Variants in ZC2HC1A observed in about 807,000 individuals in gnomAD.
ZC2HC1A encodes zinc finger C2HC domain-containing protein 1A.
A neutral mutation model predicts 40.7 loss-of-function variants in ZC2HC1A; 28 were observed. That is an observed-to-expected ratio of 0.69 (90% CI 0.51 to 0.94). The LOEUF is 0.94. ZC2HC1A is among the 40% of genes least tolerant of loss of function. The pLI is 0.00. For synonymous variants in ZC2HC1A, 129 were observed against 129.2 expected (o/e 1.00, Z 0.01); for missense variants, 389 against 386.3 (o/e 1.01, Z -0.06).
intron 5 of ZC2HC1A, among the ~76,000 whole-genome samples, chr8:78,693,482 G>A (rs1300520799): frequency 1.3e-5 from 2 of 152,232 alleles, no homozygotes; most frequent in African/African-American, 4.8e-5. Context: ...CTGATGGCCA[G>A]TAATGATGAA....
chr8:78,717,609 C>G lies in ZC2HC1A; in HGVS notation c.*116C>G. 3 of 1,175,014 alleles carry G rather than the reference C, an allele frequency of 2.6e-6. No individual in the cohort carries two copies. The highest frequency in any genetic ancestry group is 3.5e-6 in the Non-Finnish European group (3 of 853,938). The allele number at this position is 1,175,014 out of a possible 1,614,324, so 72.8% of individuals were successfully genotyped here. A position where few individuals can be genotyped will look rare whatever the true frequency, so the allele number is the denominator to read the frequency against. ...CTAAAAATACTCGAAATACCATTTC[C>G]AGTTAATTTTGAAGTGTAATCTTTT... On this transcript the variant is annotated 3_prime_UTR_variant, in exon 9 of 9. Coordinates refer to ENST00000263849, the MANE Select transcript of ZC2HC1A (RefSeq NM_016010.3).
At chr8:78,688,242 T>A (rs1480151903) in intron 4 of ZC2HC1A, among the ~76,000 whole-genome samples, 1 of 152,066 alleles carries the variant, frequency 6.6e-6, no homozygotes, top group Non-Finnish European at 1.5e-5. Flanking sequence ...TATTGTGTCT[T>A]AACTCTACAT....
intron 7 of ZC2HC1A, among the ~76,000 whole-genome samples, chr8:78,714,683 C>T (rs16906023): frequency 0.037 from 5,626 of 152,188 alleles, 317 homozygotes; most frequent in African/African-American, 0.13. Flanking sequence ...TTTCGGATAG[C>T]CCAGGCTGTG....
At chr8:78,667,122 T>C (rs1035609579) in intron 1 of ZC2HC1A, among the ~76,000 whole-genome samples, 1 of 152,222 alleles carries the variant, frequency 6.6e-6, no homozygotes, top group African/African-American at 2.4e-5. Flanking sequence ...TTGTGTATTG[T>C]TGCATGCCAG....
At chr8:78,698,377 T>C in intron 6 of ZC2HC1A, 37 bp from the exon 7 acceptor site, 1 of 1,525,818 alleles carries the variant, frequency 6.6e-7, no homozygotes, top group Non-Finnish European at 9.0e-7. Context: ...TAACCTTTTT[T>C]AGAGTATTGT....
At chr8:78,713,540 A>C (rs1454839645) in intron 7 of ZC2HC1A, among the ~76,000 whole-genome samples, 3 of 152,146 alleles carry the variant, frequency 2.0e-5, no homozygotes, top group Non-Finnish European at 2.9e-5. Flanking sequence ...TTTCTAGAAA[A>C]AGACTCTAGT....
At chr8:78,683,442 G>A (rs908103248) in intron 3 of ZC2HC1A, among the ~76,000 whole-genome samples, 1 of 152,220 alleles carries the variant, frequency 6.6e-6, no homozygotes, top group African/African-American at 2.4e-5. Context: ...CCAAGGCTTT[G>A]GGCTTGCACC....
chr8:78,687,532 ATATT>A (rs1005924231), intron 4 of ZC2HC1A, among the ~76,000 whole-genome samples: 4 of 143,976 alleles, frequency 2.8e-5, no homozygotes, highest in East Asian at 3.9e-4. Flanking sequence ...AATAAATTAT[ATATT>A]TATATAATAA....
chr8:78,676,059 G>A lies in ZC2HC1A; in HGVS notation c.93+196G>A, dbSNP rs1809568275. On this transcript the variant is annotated intron_variant, in intron 2 of 8. Transcript: ENST00000263849. ...TCTTTCCTTCAGAGTTTGGTCTTCA[G>A]AACTCTTCTGTTAAAGTTTAAAGGT... The A allele has an allele frequency of 1.0e-5, 4 of 386,312 alleles. No homozygotes were observed. In the South Asian group the frequency reaches 3.9e-4, roughly 38 times the overall value. 23.9% of individuals were successfully genotyped at this position (386,312 alleles called of 1,614,324 possible).
intron 1 of ZC2HC1A, among the ~76,000 whole-genome samples, chr8:78,666,393 G>T (rs1025797168): frequency 6.6e-6 from 1 of 152,198 alleles, no homozygotes; most frequent in Non-Finnish European, 1.5e-5. Flanking sequence ...GGGCTTTCCC[G>T]CCCGGAGCCA....
intron 1 of ZC2HC1A, among the ~76,000 whole-genome samples, chr8:78,672,861 G>A (rs542070887): frequency 1.3e-5 from 2 of 151,990 alleles, no homozygotes; most frequent in South Asian, 4.2e-4. Flanking sequence ...ACATTATAAT[G>A]TGAAGTTTCA....
rs116944107 is a variant in ZC2HC1A at position 78,682,781 on chromosome 8, A to T, written c.211-3686A>T. On this transcript the variant is annotated intron_variant, in intron 3 of 8. Coordinates refer to ENST00000263849, the MANE Select transcript of ZC2HC1A (RefSeq NM_016010.3). ...ACCCTAAAGTCCACAGTTCAATCTG[A>T]GACAAGGCAAGTTTCTTCTGCCTGT... 5.6e-3 allele frequency among the ~76,000 whole-genome samples: 860 copies of T among 152,316 alleles called. 4 individuals are homozygous for T. The highest frequency in any genetic ancestry group is 8.5e-3 in the Non-Finnish European group (581 of 68,010).
chr8:78,690,429 G>A lies in ZC2HC1A; in HGVS notation c.504+1056G>A, dbSNP rs1311320360. Among the ~76,000 whole-genome samples the A allele has an allele frequency of 9.2e-5, 14 of 152,014 alleles. No individual in the cohort carries two copies. The East Asian group carries it at 1.7e-3, about 19-fold the overall frequency. On this transcript the variant is annotated intron_variant, in intron 5 of 8. Coordinates refer to ENST00000263849, the MANE Select transcript of ZC2HC1A (RefSeq NM_016010.3). ...CAAAAAATTAGCTGGACGTGGTGGC[G>A]GGCGCCTGTAGTCCCAGCTACTTGG...
At position 78,717,570 on chromosome 8, in the gene ZC2HC1A, C is replaced by G. The variant is rs1041058056; in HGVS notation, c.*77C>G. The G allele has an allele frequency of 6.3e-6, 9 of 1,439,426 alleles. No individual in the cohort carries two copies. In the Admixed American group the frequency reaches 2.1e-4, roughly 34 times the overall value. 89.2% of individuals were successfully genotyped at this position (1,439,426 alleles called of 1,614,324 possible). On this transcript the variant is annotated 3_prime_UTR_variant, in exon 9 of 9. Coordinates refer to ENST00000263849, the MANE Select transcript of ZC2HC1A (RefSeq NM_016010.3). ...TGCTTGGACAGCTAGAGCACATCCT[C>G]TAGTTAGTTTGTGCTAAAAATACTC...
Position 78,686,494 on chromosome 8 carries a change from T to A in ZC2HC1A, c.238T>A (p.Trp80Arg). ...AGAACCACCAAAGAAACCATCTAAT[T>A]GGAGAAGGAAACATGAAGAATTCAT... is the stretch of plus-strand genomic sequence containing the variant. ...RPEPPKKPSN[W>R]RRKHEEFIAT... Residue 80 changes from tryptophan to arginine, a missense_variant, in exon 4 of 9, where the codon TGG becomes AGG. Transcript: ENST00000263849. The A allele has an allele frequency of 3.3e-6, 5 of 1,534,182 alleles. No homozygotes were observed. The highest frequency in any genetic ancestry group is 4.4e-6 in the Non-Finnish European group (5 of 1,140,190).
At chr8:78,708,671 TC>T (rs1235391625) in intron 7 of ZC2HC1A, among the ~76,000 whole-genome samples, 1 of 74,956 alleles carries the variant, frequency 1.3e-5, no homozygotes, top group East Asian at 9.9e-4. Flanking sequence ...AAGATGATTA[TC>T]TTTTTTTTTT....
Position 78,712,077 on chromosome 8 carries a change from C to A in ZC2HC1A, c.705-3144C>A. The A allele has an allele frequency of 2.3e-6, 3 of 1,289,422 alleles. 1 individual carries two copies. The South Asian group carries it at 3.7e-5, about 16-fold the overall frequency. The allele number at this position is 1,289,422 out of a possible 1,614,324, so 79.9% of individuals were successfully genotyped here. On this transcript the variant is annotated intron_variant, in intron 7 of 8. Transcript: ENST00000263849. Reference sequence around the variant, plus strand: ...GTGATACAAAATCAGACAGTGCCATCAAAAGACATGAGTTATTACCTATTT... The same window carrying A: ...GTGATACAAAATCAGACAGTGCCATAAAAAGACATGAGTTATTACCTATTT...
chr8:78,670,938 G>A (rs996187838), intron 1 of ZC2HC1A, among the ~76,000 whole-genome samples: 2 of 152,122 alleles, frequency 1.3e-5, no homozygotes, highest in African/African-American at 4.8e-5. Context: ...AAAGTAATTC[G>A]ATTTTGGAAA....
chr8:78,710,493 A>G (rs559338891), intron 7 of ZC2HC1A, among the ~76,000 whole-genome samples: 2 of 152,032 alleles, frequency 1.3e-5, no homozygotes. Context: ...ACTTTGTTGT[A>G]TCACATGTAG....
Sources: allele counts gnomAD v4.1 joint callset (sites outside exome capture counted in the v4.1 genomes callset), GRCh38; gene constraint gnomAD v4.1.1; transcripts MANE v1.5; gene names NCBI Gene and HGNC (gene_info 2026-07-23, HGNC 2026-07-21).